Variants in HSD3B1 observed in about 807,000 individuals in gnomAD.
HSD3B1 encodes hydroxy-delta-5-steroid dehydrogenase, 3 beta- and steroid delta-isomerase 1, also known as 3 beta-hydroxysteroid dehydrogenase/Delta 5-->4-isomerase type 1.
A neutral mutation model predicts 10.4 loss-of-function variants in HSD3B1; 11 were observed. That is an observed-to-expected ratio of 1.05 (90% CI 0.66 to 1.75). HSD3B1 has a LOEUF of 1.75. Ranked by LOEUF, HSD3B1 falls within the 40% of genes most tolerant of loss-of-function variation. The probability of loss-of-function intolerance (pLI) is 0.00; values close to 1 mark genes in which losing one functional copy is unlikely to be tolerated. For missense variants in HSD3B1, 490 were observed against 454.5 expected, an observed-to-expected ratio of 1.08 and a Z score of -0.71; for synonymous variants, 217 against 185.4, an observed-to-expected ratio of 1.17 and a Z score of -1.39.
At chr1:119,510,831 A>AC (rs936229969) in intron 2 of HSD3B1, among the ~76,000 whole-genome samples, 5 of 138,676 alleles carry the variant, frequency 3.6e-5, no homozygotes, top group East Asian at 4.4e-4. Flanking sequence ...GGAACCAGAG[A>AC]CCCCAGCCTC....
Position 119,514,748 on chromosome 1 carries a change from C to T in HSD3B1, c.*103C>T. 3.1e-6 allele frequency: 4 copies of T among 1,280,012 alleles called. No individual in the cohort carries two copies. Among genetic ancestry groups the T allele is most frequent in the Admixed American group, 3.9e-5 (2 of 50,836 alleles). The allele number at this position is 1,280,012 out of a possible 1,614,324, so 79.3% of individuals were successfully genotyped here. ...AAGTGACAAGGGCACAAGCTCAGGT[C>T]CTGCTGCCTCCCTTTCATACAATGG... On this transcript the variant is annotated 3_prime_UTR_variant, in exon 4 of 4. Coordinates refer to ENST00000369413, the MANE Select transcript of HSD3B1 (RefSeq NM_000862.3).
intron 2 of HSD3B1, chr1:119,507,834 T>C (rs1653832487): frequency 3.9e-6 from 2 of 507,336 alleles, no homozygotes; most frequent in Non-Finnish European, 7.0e-6. Flanking sequence ...ATTCTGGCCC[T>C]GACCCAGAAC....
At chr1:119,511,702 G>T in intron 3 of HSD3B1, 35 bp downstream of exon 3, 1 of 1,598,648 alleles carries the variant, frequency 6.3e-7, no homozygotes, top group Non-Finnish European at 8.6e-7. Flanking sequence ...CAGCAAGGTG[G>T]GGAATTAAGG....
chr1:119,510,712 G>GTTTTGTTTT, intron 2 of HSD3B1, among the ~76,000 whole-genome samples: 2 of 39,100 alleles, frequency 5.1e-5, no homozygotes, highest in East Asian at 9.5e-4. Flanking sequence ...TGCTTGTGTG[G>GTTTTGTTTT]TTTTCTTTTT....
chr1:119,508,837 T>C (rs887852818), intron 2 of HSD3B1, among the ~76,000 whole-genome samples: 1 of 152,248 alleles, frequency 6.6e-6, no homozygotes, highest in Non-Finnish European at 1.5e-5. Context: ...TTCTCTGACC[T>C]CTTGAAATGT....
intron 3 of HSD3B1, among the ~76,000 whole-genome samples, chr1:119,512,294 G>A (rs1160006473): frequency 6.6e-6 from 1 of 152,080 alleles, no homozygotes; most frequent in Non-Finnish European, 1.5e-5. Context: ...TCACCACAGG[G>A]CCTACTATTC....
chr1:119,514,267 C>T lies in HSD3B1; in HGVS notation c.744C>T (p.Ser248=). The change falls in exon 4 of 4, where the codon AGC becomes AGT. Residue 248 remains serine, a synonymous_variant. Transcript: ENST00000369413. ...RALQDPKKAP[S]IRGQFYYISD... ...TGCAGGACCCCAAGAAGGCCCCAAGCATCCGAGGACAGTTCTACTATATCT... is the reference window on the plus strand; with the variant it reads ...TGCAGGACCCCAAGAAGGCCCCAAGTATCCGAGGACAGTTCTACTATATCT... The T allele has an allele frequency of 2.5e-6, 4 of 1,614,158 alleles. No homozygotes were observed. Among genetic ancestry groups the T allele is most frequent in the Non-Finnish European group, 3.4e-6 (4 of 1,180,024 alleles).
chr1:119,512,702 A>T (rs1266880139), intron 3 of HSD3B1, among the ~76,000 whole-genome samples: 4 of 152,204 alleles, frequency 2.6e-5, no homozygotes, highest in African/African-American at 7.2e-5. Context: ...AAAGGAGGGG[A>T]TATGAAATGA....
In HSD3B1 at chr1:119,514,010, G is replaced by C. The variant is rs764261304; in HGVS notation, c.487G>C (p.Glu163Gln). 1.2e-6 allele frequency: 2 copies of C among 1,614,154 alleles called. No homozygotes were observed. Among genetic ancestry groups the C allele is most frequent in the South Asian group, 2.2e-5 (2 of 91,082 alleles). ...APYPHSKKLA[E>Q]KAVLAANGWN... Reference sequence around the variant, plus strand: ...ATACCCACACAGCAAAAAGCTTGCTGAGAAGGCTGTACTGGCGGCTAACGG... The same window carrying C: ...ATACCCACACAGCAAAAAGCTTGCTCAGAAGGCTGTACTGGCGGCTAACGG... The change falls in exon 4 of 4, where the codon GAG (glutamate) becomes CAG (glutamine). Residue 163 changes from glutamate to glutamine, a missense_variant. Physicochemically the swap from Glu to Gln is conservative, Grantham distance 29. Coordinates refer to ENST00000369413, the MANE Select transcript of HSD3B1 (RefSeq NM_000862.3).
At chr1:119,512,447 C>T (rs1653964634) in intron 3 of HSD3B1, among the ~76,000 whole-genome samples, 1 of 152,122 alleles carries the variant, frequency 6.6e-6, no homozygotes, top group African/African-American at 2.4e-5. Flanking sequence ...TCAGAAATCT[C>T]ACCCTCTGAT....
chr1:119,510,766 G>C (rs587642385), intron 2 of HSD3B1, among the ~76,000 whole-genome samples: 109 of 95,050 alleles, frequency 1.1e-3, no homozygotes, highest in Non-Finnish European at 1.7e-3. Context: ...AGACAAGGTG[G>C]TCTTGCTCTA....
At chr1:119,513,629 C>G (rs1158100481) in intron 3 of HSD3B1, among the ~76,000 whole-genome samples, 1 of 152,126 alleles carries the variant, frequency 6.6e-6, no homozygotes, top group Non-Finnish European at 1.5e-5. Context: ...CTCTCCAGAA[C>G]CCACATGTCA....
intron 3 of HSD3B1, among the ~76,000 whole-genome samples, chr1:119,513,381 T>TGA (rs1653992024): frequency 1.3e-5 from 2 of 152,216 alleles, no homozygotes; most frequent in Admixed American, 1.3e-4. Context: ...TGTGTGTGTG[T>TGA]GATGTGAATT....
chr1:119,507,356 T>C, intron 1 of HSD3B1, 36 bp from the exon 2 acceptor site: 1 of 961,494 alleles, frequency 1.0e-6, no homozygotes, highest in Non-Finnish European at 1.6e-6. Context: ...ATGAGGCATC[T>C]GTGTGAGTAT....
Position 119,507,679 on chromosome 1 carries a change from G to A in HSD3B1, c.145+58G>A, listed in dbSNP as rs1238203670. The A allele has an allele frequency of 3.2e-6, 5 of 1,553,486 alleles. No homozygotes were observed. In the Admixed American group the frequency reaches 6.7e-5, roughly 21 times the overall value. On this transcript the variant is annotated intron_variant, in intron 2 of 3. Coordinates refer to ENST00000369413, the MANE Select transcript of HSD3B1 (RefSeq NM_000862.3). ...CATCTTAAACACTGCATGTATGTGG[G>A]GGGAGATGGACCTTGTCTAGCAAGT...
Position 119,514,718 on chromosome 1 carries a change from A to G in HSD3B1, c.*73A>G. 6.6e-7 allele frequency: 1 copy of G among 1,519,512 alleles called. No homozygotes were observed. Among genetic ancestry groups the G allele is most frequent in the Non-Finnish European group, 9.0e-7 (1 of 1,110,636 alleles). The allele number at this position is 1,519,512 out of a possible 1,614,324, so 94.1% of individuals were successfully genotyped here. On this transcript the variant is annotated 3_prime_UTR_variant, in exon 4 of 4. Coordinates refer to ENST00000369413, the MANE Select transcript of HSD3B1 (RefSeq NM_000862.3). ...TCAAGCTCCACCCTCCTGGCCTCAT[A>G]CAGAAAGTGACAAGGGCACAAGCTC...
In HSD3B1 at chr1:119,514,424, G is replaced by T. The variant is rs1185049741; in HGVS notation, c.901G>T (p.Val301Leu). 6.2e-7 allele frequency: 1 copy of T among 1,614,136 alleles called. No individual in the cohort carries two copies. Among genetic ancestry groups the T allele is most frequent in the South Asian group, 1.1e-5 (1 of 91,084 alleles). ...TTGGATTGGCTTCCTGCTGGAAATA[G>T]TGAGCTTCCTACTCAGGCCAATTTA... ...MYWIGFLLEIVSFLLRPIYTY... is the reference protein window; with the variant it reads ...MYWIGFLLEILSFLLRPIYTY... Residue 301 changes from valine (V) to leucine (L), a missense_variant, in exon 4 of 4, where the codon GTG (valine) becomes TTG (leucine). Coordinates refer to ENST00000369413, the MANE Select transcript of HSD3B1 (RefSeq NM_000862.3).
Position 119,514,789 on chromosome 1 carries a change from C to A in HSD3B1, c.*144C>A. 1.2e-6 allele frequency: 1 copy of A among 869,160 alleles called. No individual in the cohort carries two copies. The highest frequency in any genetic ancestry group is 1.9e-6 in the Non-Finnish European group (1 of 540,312). 53.8% of individuals were successfully genotyped at this position (869,160 alleles called of 1,614,324 possible). On this transcript the variant is annotated 3_prime_UTR_variant, in exon 4 of 4. Coordinates refer to ENST00000369413, the MANE Select transcript of HSD3B1 (RefSeq NM_000862.3). The stretch of plus-strand genomic sequence containing the variant: ...CATACAATGGCCAACTTATTGTATT[C>A]CTCATGTCATCAAAACCTGCGCAGT...
intron 2 of HSD3B1, chr1:119,507,936 G>A (rs1462535966): frequency 1.7e-5 from 5 of 294,080 alleles, no homozygotes; most frequent in Non-Finnish European, 6.5e-6. Flanking sequence ...ACTCTTTTAT[G>A]TTCTGAAGCT....
Sources: gnomAD v4.1 joint callset for allele counts (sites outside exome capture counted in the v4.1 genomes callset) on GRCh38, gnomAD v4.1.1 for gene constraint, MANE v1.5 for transcripts, NCBI Gene and HGNC (gene_info 2026-07-23, HGNC 2026-07-21) for gene names.